The following EPB41L1 variants were observed in gnomAD, a reference collection of about 807,000 sequenced individuals.
EPB41L1 encodes the protein erythrocyte membrane protein band 4.1 like 1.
Under a neutral mutation model 97.8 loss-of-function variants are expected in EPB41L1, and 29 were observed. That is an observed-to-expected ratio of 0.30 (90% CI 0.22 to 0.40). EPB41L1 has a LOEUF of 0.40. EPB41L1 is among the 10% of genes least tolerant of loss of function. The probability of loss-of-function intolerance (pLI) is 1.00; values close to 1 mark genes in which losing one functional copy is unlikely to be tolerated. For synonymous variants in EPB41L1, 383 were observed against 459.2 expected (o/e 0.83, Z 2.12); for missense variants, 812 against 1,162.3 (o/e 0.70, Z 4.38).
At chr20:36,136,319 T>C (rs896856796) in intron 2 of EPB41L1, among the ~76,000 whole-genome samples, 3 of 149,300 alleles carry the variant, frequency 2.0e-5, no homozygotes, top group Non-Finnish European at 4.4e-5. Context: ...TACAGGCACA[T>C]GCAACTGTGC....
chr20:36,197,861 C>T lies in EPB41L1; in HGVS notation c.1488C>T (p.Phe496=), dbSNP rs1699372192. 6.2e-7 allele frequency: 1 copy of T among 1,614,020 alleles called. No homozygotes were observed. Among genetic ancestry groups the T allele is most frequent in the Non-Finnish European group, 8.5e-7 (1 of 1,180,036 alleles). ...QETTPRHKQE[F]LDKPEDVLLK... is the part of the protein sequence containing the mutation. ...CCACCCTCTCCATCTATCCCTAGTT[C>T]TTAGACAAGCCAGAAGATGTCTTGC... The change falls in exon 14 of 22, where the codon TTC becomes TTT. Residue 496 remains phenylalanine, a splice_region_variant and synonymous_variant. Transcript: ENST00000338074.
Position 36,171,714 on chromosome 20 carries a change from CTGAAAAAT to C in EPB41L1, c.-14-2049_-14-2042del, listed in dbSNP as rs2060996959. Among the ~76,000 whole-genome samples the C allele has an allele frequency of 3.3e-5, 5 of 152,258 alleles. No homozygotes were observed. In the South Asian group the frequency reaches 1.0e-3, roughly 32 times the overall value. On this transcript the variant is annotated intron_variant, in intron 1 of 21. Coordinates refer to ENST00000338074, the MANE Select transcript of EPB41L1 (RefSeq NM_012156.2). ...GTCCACTGAGATGCAGGGAGAAAAA[CTGAAAAAT>C]GAAAAGGAAGTGTGGGGCGGGGGAC...
chr20:36,139,418 T>G (rs1211512968), intron 2 of EPB41L1, among the ~76,000 whole-genome samples: 1 of 152,232 alleles, frequency 6.6e-6, no homozygotes, highest in East Asian at 1.9e-4. Context: ...CTTTCTGTCA[T>G]CCTTTAAAAA....
In EPB41L1 at chr20:36,197,843, C is replaced by A. The variant is rs938722213; in HGVS notation, c.1486-16C>A. The A allele has an allele frequency of 6.2e-7, 1 of 1,614,038 alleles. No homozygotes were observed. The highest frequency in any genetic ancestry group is 1.3e-5 in the African/African-American group (1 of 74,912). ...GCTGTTCCCCTAACACCACCACCCT[C>A]TCCATCTATCCCTAGTTCTTAGACA... On this transcript the variant is annotated splice_polypyrimidine_tract_variant and intron_variant, in intron 13 of 21. Transcript: ENST00000338074.
At chr20:36,117,785 A>G (rs1380692593) in intron 2 of EPB41L1, among the ~76,000 whole-genome samples, 2 of 152,198 alleles carry the variant, frequency 1.3e-5, no homozygotes, top group Admixed American at 6.5e-5. Flanking sequence ...CTCTACATCC[A>G]GGACTCCCTC....
intron 1 of EPB41L1, among the ~76,000 whole-genome samples, chr20:36,161,130 A>G (rs780065268): frequency 3.3e-5 from 5 of 152,192 alleles, no homozygotes; most frequent in Non-Finnish European, 7.3e-5. Flanking sequence ...GGAGGAGGCC[A>G]TCTCTCTGTC....
upstream of EPB41L1, among the ~76,000 whole-genome samples, chr20:36,154,493 C>T (rs1369261421): frequency 6.6e-6 from 1 of 151,688 alleles, no homozygotes; most frequent in African/African-American, 2.4e-5. This position sits in a 1 kb window ranked among gnomAD's most constrained non-coding sequence, Gnocchi z 5.5. Context: ...GGCCTGGGAG[C>T]CTGAGAGAGA....
chr20:36,192,556 G>A (rs2062011266), intron 11 of EPB41L1, among the ~76,000 whole-genome samples: 3 of 150,726 alleles, frequency 2.0e-5, no homozygotes, highest in African/African-American at 4.9e-5. Flanking sequence ...AAAAAAAAAG[G>A]TGGAAAGTGG....
At chr20:36,143,561 CA>C (rs1407491712) in intron 2 of EPB41L1, among the ~76,000 whole-genome samples, 1 of 152,154 alleles carries the variant, frequency 6.6e-6, no homozygotes, top group African/African-American at 2.4e-5. Flanking sequence ...CACACATATA[CA>C]GCTAATTTCT....
intron 2 of EPB41L1, chr20:36,148,779 GA>G (rs1457885393): frequency 1.3e-5 from 2 of 152,462 alleles, no homozygotes; most frequent in African/African-American, 4.8e-5. Flanking sequence ...AGAAGAGGAA[GA>G]GGGGCATGGA....
chr20:36,178,175 C>T, intron 4 of EPB41L1, 119 bp downstream of exon 4: 1 of 808,042 alleles, frequency 1.2e-6, no homozygotes, highest in Admixed American at 2.0e-5. Flanking sequence ...TTGCGTGTCC[C>T]CAAGGCTCAA....
chr20:36,209,726 T>A lies in EPB41L1; in HGVS notation c.1907T>A (p.Phe636Tyr), dbSNP rs2063023843. 1 of 1,612,570 alleles carries A rather than the reference T, an allele frequency of 6.2e-7. No individual in the cohort carries two copies. The highest frequency in any genetic ancestry group is 8.5e-7 in the Non-Finnish European group (1 of 1,179,540). ...TACCATGGCAGCGCCTTCGAAGACT[T>A]CTCCCGCAGCCTGCCTGAGCTCGAC... Reference protein sequence around the residue: ...GDYHGSAFEDFSRSLPELDRD... With the variant: ...GDYHGSAFEDYSRSLPELDRD... The change falls in exon 15 of 22, where the codon TTC (phenylalanine) becomes TAC (tyrosine). Residue 636 changes from phenylalanine (F) to tyrosine (Y), a missense_variant. Phe to Tyr is a conservative substitution (Grantham distance 22). Coordinates refer to ENST00000338074, the MANE Select transcript of EPB41L1 (RefSeq NM_012156.2). The surrounding 1 kb of genome is among the most constrained non-coding windows in gnomAD (Gnocchi z 4.2).
chr20:36,111,388 A>G (rs1010486495), intron 1 of EPB41L1, among the ~76,000 whole-genome samples: 1 of 152,150 alleles, frequency 6.6e-6, no homozygotes, highest in African/African-American at 2.4e-5. Flanking sequence ...CTCCTGCCCC[A>G]TTGCATACTA....
intron 17 of EPB41L1, 72 bp from the exon 18 acceptor site, chr20:36,218,804 G>GC: frequency 7.3e-7 from 1 of 1,378,972 alleles, no homozygotes; most frequent in Non-Finnish European, 1.0e-6. Context: ...TAGCTACATG[G>GC]CCACATGCTC....
chr20:36,189,268 G>T (rs1010206497), intron 9 of EPB41L1, among the ~76,000 whole-genome samples: 1 of 152,070 alleles, frequency 6.6e-6, no homozygotes, highest in African/African-American at 2.4e-5. Context: ...CCTCATAGCT[G>T]CTGGAGAGAT....
chr20:36,162,748 T>A (rs2145682582), intron 1 of EPB41L1, among the ~76,000 whole-genome samples: 1 of 152,364 alleles, frequency 6.6e-6, no homozygotes, highest in African/African-American at 2.4e-5. Flanking sequence ...GGCTCCCTAG[T>A]GGCCCGTGAA....
intron 14 of EPB41L1, chr20:36,205,752 G>A: frequency 1.7e-6 from 2 of 1,158,352 alleles, no homozygotes; most frequent in East Asian, 1.2e-4. Context: ...AAACATTTCA[G>A]TGGTAGATTG....
chr20:36,210,712 C>T (rs1459175079), intron 15 of EPB41L1, among the ~76,000 whole-genome samples: 1 of 152,160 alleles, frequency 6.6e-6, no homozygotes. Context: ...CCTGACCACC[C>T]TGGGCAGAAA....
rs551450895 is a variant in EPB41L1 at position 36,188,361 on chromosome 20, C to T, written c.888C>T (p.Ile296=). The T allele has an allele frequency of 9.9e-6, 16 of 1,613,584 alleles. No individual in the cohort carries two copies. Among genetic ancestry groups the T allele is most frequent in the South Asian group, 3.3e-5 (3 of 91,030 alleles). ...TTCTCATGCAGGACTCTGAGGGCAT[C>T]GACATCATGTTAGGCGTTTGTGCCA... ...DLHHAKDSEG[I]DIMLGVCANG... The change falls in exon 9 of 22, where the codon ATC becomes ATT. Residue 296 remains isoleucine, a synonymous_variant. Transcript: ENST00000338074.
Sources: allele counts gnomAD v4.1 joint callset (sites outside exome capture counted in the v4.1 genomes callset), GRCh38; gene constraint gnomAD v4.1.1; non-coding constraint Gnocchi (gnomAD v3.1); transcripts MANE v1.5; gene names NCBI Gene and HGNC (gene_info 2026-07-23, HGNC 2026-07-21).